Variants in SAMD12 observed in about 807,000 individuals in gnomAD.
SAMD12 encodes sterile alpha motif domain-containing protein 12.
SAMD12 carries 9 observed loss-of-function variants against 15.0 expected under a neutral mutation model. That is an observed-to-expected ratio of 0.60 (90% confidence interval 0.36 to 1.05). The LOEUF (loss-of-function observed/expected upper bound fraction) is 1.05. SAMD12 is among the 50% of genes least tolerant of loss of function. SAMD12 has a pLI of 0.01. For synonymous variants in SAMD12, 86 were observed against 90.1 expected (o/e 0.96, Z 0.25); for missense variants, 230 against 234.2 (o/e 0.98, Z 0.12).
chr8:118,532,774 C>T (rs1357875636), intron 2 of SAMD12, among the ~76,000 whole-genome samples: 2 of 152,028 alleles, frequency 1.3e-5, no homozygotes, highest in East Asian at 1.9e-4. Flanking sequence ...TCTGTGGGAT[C>T]GGTGGTGATA....
chr8:118,513,461 C>T (rs1825143298), intron 2 of SAMD12, among the ~76,000 whole-genome samples: 1 of 152,172 alleles, frequency 6.6e-6, no homozygotes, highest in Non-Finnish European at 1.5e-5. Context: ...CTTCCCAAAA[C>T]AGCCACCTAC....
chr8:118,562,755 G>A (rs1826742749), intron 2 of SAMD12, among the ~76,000 whole-genome samples: 1 of 152,194 alleles, frequency 6.6e-6, no homozygotes, highest in Admixed American at 6.5e-5. Flanking sequence ...TTAAAAGGAA[G>A]GATGTTTTTA....
In SAMD12 at chr8:118,507,241, C is replaced by T. The variant is rs767971494; in HGVS notation, c.193-67280G>A. ...GTCTCCCCGACTTGTTTAAATATTA[C>T]TCATTTTATTCAAAGCTCAGGTGAA... On this transcript the variant is annotated intron_variant, in intron 2 of 3. Coordinates refer to ENST00000314727, the MANE Select transcript of SAMD12 (RefSeq NM_207506.3). Among the ~76,000 whole-genome samples the T allele has an allele frequency of 4.6e-5, 7 of 152,158 alleles. No individual in the cohort carries two copies. The Middle Eastern group carries it at 0.014, about 296-fold the overall frequency.
At position 118,306,574 on chromosome 8, in the gene SAMD12, A is replaced by G. The variant is rs73321939; in HGVS notation, c.433+72986T>C. Among the ~76,000 whole-genome samples the G allele has an allele frequency of 4.8e-3, 738 of 152,294 alleles. 6 individuals are homozygous for G. The highest frequency in any genetic ancestry group is 0.017 in the African/African-American group (699 of 41,554). ...ACTTCATTCTAAGGAGGGCAGGACC[A>G]AAAGCTAGAAGGAACCTGAGTCCTT... is the stretch of plus-strand genomic sequence containing the variant. On this transcript the variant is annotated intron_variant, in intron 4 of 4. Transcript: ENST00000409003.
At chr8:118,179,238 G>A in the SAMD12 span, among the ~76,000 whole-genome samples, 1 of 152,112 alleles carries the variant, frequency 6.6e-6, no homozygotes, top group Non-Finnish European at 1.5e-5. Context: ...GGGAGTTTGA[G>A]ACTAGCCTGA....
chr8:118,318,567 A>T (rs1198820247), intron 4 of SAMD12, among the ~76,000 whole-genome samples: 1 of 151,786 alleles, frequency 6.6e-6, no homozygotes, highest in Non-Finnish European at 1.5e-5. Flanking sequence ...GAGACTCAGG[A>T]TAGTGGGAGG....
At chr8:118,409,509 T>C (rs1821299880) in intron 3 of SAMD12, among the ~76,000 whole-genome samples, 1 of 150,556 alleles carries the variant, frequency 6.6e-6, no homozygotes, top group Non-Finnish European at 1.5e-5. Context: ...GAGTGCCAGA[T>C]GATTCATTAG....
the SAMD12 span, among the ~76,000 whole-genome samples, chr8:118,177,239 A>AT: frequency 6.9e-3 from 941 of 137,084 alleles, 7 homozygotes; most frequent in African/African-American, 0.019. Context: ...GCCACAGAGA[A>AT]TTTTTTTTTT....
chr8:118,356,623 A>G (rs1295869490), intron 4 of SAMD12, among the ~76,000 whole-genome samples: 5 of 152,186 alleles, frequency 3.3e-5, no homozygotes, highest in African/African-American at 1.2e-4. Flanking sequence ...CTCCGATGGC[A>G]TACTTGACAC....
chr8:118,492,937 T>C (rs73317320), intron 2 of SAMD12, among the ~76,000 whole-genome samples: 35,278 of 151,982 alleles, frequency 0.23, 5,409 homozygotes, highest in African/African-American at 0.43. Context: ...CAATCAAAGA[T>C]ACTACACCAA....
intron 1 of SAMD12, among the ~76,000 whole-genome samples, chr8:118,599,900 C>G (rs565599457): frequency 6.6e-6 from 1 of 152,140 alleles, no homozygotes; most frequent in Non-Finnish European, 1.5e-5. Flanking sequence ...ATAGAAGAAA[C>G]GACAGCCCAG....
At chr8:118,413,624 T>G (rs910771959) in intron 3 of SAMD12, among the ~76,000 whole-genome samples, 2 of 152,170 alleles carry the variant, frequency 1.3e-5, no homozygotes, top group African/African-American at 4.8e-5. Flanking sequence ...TTTAACTTAC[T>G]TTTGGGTTTC....
At chr8:118,485,510 A>G (rs1260498639) in intron 2 of SAMD12, among the ~76,000 whole-genome samples, 6 of 152,184 alleles carry the variant, frequency 3.9e-5, no homozygotes, top group Admixed American at 3.9e-4. Context: ...TTTCCTCTTA[A>G]TCCTTGTTCT....
chr8:118,304,759 CATAAATAAATAAATAA>C (rs55985938), intron 4 of SAMD12, among the ~76,000 whole-genome samples: 17 of 141,538 alleles, frequency 1.2e-4, no homozygotes, highest in African/African-American at 3.4e-4. Flanking sequence ...GACTCCATCT[CATAAATAAATAAATAA>C]ATAAATAAAT....
chr8:118,291,528 A>T (rs958893502), intron 4 of SAMD12, among the ~76,000 whole-genome samples: 2 of 152,154 alleles, frequency 1.3e-5, no homozygotes, highest in Non-Finnish European at 2.9e-5. Context: ...TTATTCTTTC[A>T]TATCTTTACT....
intron 3 of SAMD12, among the ~76,000 whole-genome samples, chr8:118,410,933 G>T (rs1013607143): frequency 6.6e-6 from 1 of 152,136 alleles, no homozygotes; most frequent in Non-Finnish European, 1.5e-5. Context: ...CATTAACTTC[G>T]ACATGAGGCA....
chr8:118,188,037 AAGAG>A (rs145785924), downstream of SAMD12, among the ~76,000 whole-genome samples: 84 of 147,522 alleles, frequency 5.7e-4, 1 homozygote, highest in African/African-American at 1.7e-3. Context: ...AATGGGTTGG[AAGAG>A]AGAGAGAGAG....
At chr8:118,408,108 C>T (rs1821222785) in intron 3 of SAMD12, among the ~76,000 whole-genome samples, 1 of 152,148 alleles carries the variant, frequency 6.6e-6, no homozygotes, top group African/African-American at 2.4e-5. Flanking sequence ...AGTTTATACA[C>T]TTCCTCCCGA....
intron 2 of SAMD12, among the ~76,000 whole-genome samples, chr8:118,445,858 G>C (rs1822896086): frequency 6.6e-6 from 1 of 152,084 alleles, no homozygotes; most frequent in Admixed American, 6.6e-5. Context: ...GGCATTATTA[G>C]TTTTTTCGTC....
Sources: gnomAD v4.1 joint callset for allele counts (sites outside exome capture counted in the v4.1 genomes callset) on GRCh38, gnomAD v4.1.1 for gene constraint, MANE v1.5 for transcripts, NCBI Gene and HGNC (gene_info 2026-07-23, HGNC 2026-07-21) for gene names.